CSMD1: variants seen among roughly 807,000 people sequenced by gnomAD.
CSMD1 encodes CUB and Sushi multiple domains 1, also known as CUB and sushi domain-containing protein 1.
Under a neutral mutation model 417.5 loss-of-function variants are expected in CSMD1, and 213 were observed. The observed-to-expected ratio is 0.51, with a 90% CI of 0.46 to 0.57. The LOEUF (loss-of-function observed/expected upper bound fraction) is 0.57, where lower values mean the gene tolerates loss of function less well. Among genes scored for constraint, CSMD1 ranks in the 20% least tolerant of loss-of-function variants. The pLI, the probability that CSMD1 is intolerant of heterozygous loss-of-function variation, is 0.00. For missense variants in CSMD1, 6,923 were observed against 4,529.7 expected, an observed-to-expected ratio of 1.53 and a Z score of -15.17; for synonymous variants, 2,862 against 1,736.8, an observed-to-expected ratio of 1.65 and a Z score of -16.11.
intron 7 of CSMD1, among the ~76,000 whole-genome samples, chr8:3,701,890 G>C (rs999525314): frequency 2.6e-5 from 4 of 152,176 alleles, no homozygotes; most frequent in African/African-American, 9.7e-5. Context: ...CGTTATGAAG[G>C]ACAAGAGTCC....
At chr8:3,511,785 A>T (rs924213822) in intron 10 of CSMD1, among the ~76,000 whole-genome samples, 1 of 150,332 alleles carries the variant, frequency 6.7e-6, no homozygotes, top group Non-Finnish European at 1.5e-5. Context: ...AACATAACAT[A>T]ACATAACATA....
chr8:4,667,272 G>C (rs1804999228), intron 1 of CSMD1, among the ~76,000 whole-genome samples: 1 of 151,990 alleles, frequency 6.6e-6, no homozygotes, highest in African/African-American at 2.4e-5. Flanking sequence ...AAGAAATCTT[G>C]AAATCAGAGT....
At chr8:3,566,118 G>C (rs1319165333) in intron 10 of CSMD1, among the ~76,000 whole-genome samples, 1 of 151,996 alleles carries the variant, frequency 6.6e-6, no homozygotes, top group Non-Finnish European at 1.5e-5. Context: ...GGAGAAGAAG[G>C]AGAGGGAAAA....
chr8:3,174,145 C>T (rs553839723), intron 37 of CSMD1, among the ~76,000 whole-genome samples: 1 of 152,264 alleles, frequency 6.6e-6, no homozygotes, highest in South Asian at 2.1e-4. Flanking sequence ...ATCAGCACAG[C>T]GAACTGCAGA....
At chr8:4,603,262 C>G (rs1036773663) in intron 2 of CSMD1, among the ~76,000 whole-genome samples, 14 of 151,980 alleles carry the variant, frequency 9.2e-5, no homozygotes, top group African/African-American at 2.9e-4. Flanking sequence ...GCAAATTTTT[C>G]ATACTCCTTT....
At chr8:3,280,470 T>G (rs1394346028) in intron 26 of CSMD1, among the ~76,000 whole-genome samples, 3 of 152,184 alleles carry the variant, frequency 2.0e-5, no homozygotes, top group Non-Finnish European at 4.4e-5. Context: ...AATAAACTTC[T>G]AAAGACAATC....
intron 3 of CSMD1, among the ~76,000 whole-genome samples, chr8:4,275,118 G>T (rs895055206): frequency 6.6e-6 from 1 of 152,098 alleles, no homozygotes; most frequent in Non-Finnish European, 1.5e-5. Flanking sequence ...GCCTTATAAA[G>T]ATAACCAATG....
At chr8:3,068,336 T>C (rs1019359456) in intron 49 of CSMD1, among the ~76,000 whole-genome samples, 2 of 152,198 alleles carry the variant, frequency 1.3e-5, no homozygotes, top group East Asian at 3.8e-4. Flanking sequence ...ACCACTCACT[T>C]TGTGTAGAAA....
At chr8:4,765,146 A>C (rs1340073479) in intron 1 of CSMD1, among the ~76,000 whole-genome samples, 2 of 152,120 alleles carry the variant, frequency 1.3e-5, no homozygotes, top group Non-Finnish European at 2.9e-5. Flanking sequence ...TCACACAGTT[A>C]ATATAGCTCG....
intron 3 of CSMD1, among the ~76,000 whole-genome samples, chr8:4,226,810 A>T (rs1801387478): frequency 6.6e-6 from 1 of 152,228 alleles, no homozygotes; most frequent in Admixed American, 6.5e-5. Context: ...TGCAAGAGTA[A>T]AGTTGGGTTG....
At chr8:4,143,394 G>A (rs1387124858) in intron 3 of CSMD1, among the ~76,000 whole-genome samples, 7 of 142,234 alleles carry the variant, frequency 4.9e-5, no homozygotes, top group Non-Finnish European at 9.0e-5. Context: ...TTTTGCTACA[G>A]ACTAAGTTAA....
chr8:4,372,368 G>A lies in CSMD1; in HGVS notation c.415+47585C>T, dbSNP rs144830203. 4.2e-4 allele frequency among the ~76,000 whole-genome samples: 64 copies of A among 152,236 alleles called. No individual in the cohort carries two copies. In the East Asian group the frequency reaches 9.1e-3, roughly 22 times the overall value. On this transcript the variant is annotated intron_variant, in intron 3 of 69. Transcript: ENST00000635120. ...GAACGCTTAGTGTTTCCTTCCACATGCTGTTTTCCATTGCTGCTGTCAAAA... is the reference window on the plus strand; with the variant it reads ...GAACGCTTAGTGTTTCCTTCCACATACTGTTTTCCATTGCTGCTGTCAAAA...
intron 2 of CSMD1, among the ~76,000 whole-genome samples, chr8:4,545,298 T>C (rs767739759): frequency 2.6e-5 from 4 of 152,206 alleles, no homozygotes; most frequent in Non-Finnish European, 5.9e-5. Context: ...TGTTGCAAAA[T>C]GACTCAACAG....
At chr8:3,536,302 T>G (rs1307335390) in intron 10 of CSMD1, among the ~76,000 whole-genome samples, 1 of 152,208 alleles carries the variant, frequency 6.6e-6, no homozygotes, top group Non-Finnish European at 1.5e-5. Flanking sequence ...ACTAATTATT[T>G]TACAACATAT....
chr8:3,590,733 G>A (rs145689731), intron 8 of CSMD1, among the ~76,000 whole-genome samples: 7 of 152,286 alleles, frequency 4.6e-5, no homozygotes, highest in Admixed American at 1.3e-4. Context: ...GCCAATGTGG[G>A]TAAACGCCAT....
intron 3 of CSMD1, among the ~76,000 whole-genome samples, chr8:4,139,238 G>A (rs535646523): frequency 6.6e-5 from 10 of 152,250 alleles, no homozygotes; most frequent in South Asian, 2.1e-4. Context: ...CTTTAAAGGC[G>A]AATTTAGCTT....
chr8:4,504,326 A>G (rs1462970221), intron 2 of CSMD1, among the ~76,000 whole-genome samples: 1 of 152,258 alleles, frequency 6.6e-6, no homozygotes, highest in East Asian at 1.9e-4. Context: ...GGAAGAAAGG[A>G]AAATGGAGAA....
intron 10 of CSMD1, among the ~76,000 whole-genome samples, chr8:3,552,377 A>G (rs950748044): frequency 6.6e-6 from 1 of 152,186 alleles, no homozygotes; most frequent in Admixed American, 6.5e-5. Flanking sequence ...TCTCCATGAC[A>G]TTTTGTAAGC....
intron 5 of CSMD1, among the ~76,000 whole-genome samples, chr8:3,925,632 G>A (rs374875001): frequency 6.6e-6 from 1 of 151,994 alleles, no homozygotes; most frequent in African/African-American, 2.4e-5. Context: ...AGTCTCATGA[G>A]ATCTGATGGG....
Sources: gnomAD v4.1 joint callset for allele counts (sites outside exome capture counted in the v4.1 genomes callset) on GRCh38, gnomAD v4.1.1 for gene constraint, MANE v1.5 for transcripts, NCBI Gene and HGNC (gene_info 2026-07-23, HGNC 2026-07-21) for gene names.